The following ATAD3C variants were observed in gnomAD, a reference collection of about 807,000 sequenced individuals.
The protein encoded by ATAD3C is ATPase family AAA domain-containing protein 3C.
A neutral mutation model predicts 46.3 loss-of-function variants in ATAD3C; 38 were observed. The ratio of observed to expected loss-of-function variants is 0.82; its 90% CI spans 0.63 to 1.08. The LOEUF (loss-of-function observed/expected upper bound fraction) is 1.08. Ranked by LOEUF, ATAD3C falls within the 50% of genes least tolerant of loss-of-function variation. ATAD3C has a pLI of 0.00. For missense variants in ATAD3C, 563 were observed against 572.7 expected (o/e 0.98, Z 0.17); for synonymous variants, 220 against 236.4 (o/e 0.93, Z 0.63).
intron 7 of ATAD3C, among the ~76,000 whole-genome samples, 158 bp from the exon 8 acceptor site, chr1:1,456,971 G>A (rs1486871576): frequency 6.6e-6 from 1 of 152,042 alleles, no homozygotes; most frequent in African/African-American, 2.4e-5. Context: ...TTCTGTCGGT[G>A]GATCAGCTTC....
At position 1,468,507 on chromosome 1, in the gene ATAD3C, G is replaced by A. The variant is rs149946098; in HGVS notation, c.1213G>A (p.Glu405Lys). 4.2e-3 allele frequency: 6,786 copies of A among 1,608,594 alleles called. 311 individuals are homozygous for A. The African/African-American group carries it at 0.08, about 19-fold the overall frequency. ...GCTGAAGGGGGAGAGGCCTGGGCCCGAGGACGAGCAACCCTCATCCTGAGT... is the reference window on the plus strand; with the variant it reads ...GCTGAAGGGGGAGAGGCCTGGGCCCAAGGACGAGCAACCCTCATCCTGAGT... ...RWLKGERPGP[E>K]DEQPSS Residue 405 changes from glutamate to lysine, a missense_variant, in exon 12 of 12, where the codon GAG becomes AAG. Glu to Lys is a moderately conservative substitution (Grantham distance 56). This residue lies in a region of ATAD3C where 273 missense variants were observed against 253.5 expected (regional missense o/e 1.08). Coordinates refer to ENST00000378785, the MANE Select transcript of ATAD3C (RefSeq NM_001039211.3).
At chr1:1,457,596 A>AAAAAAAAAAAAAAC (rs1638986657) in intron 8 of ATAD3C, among the ~76,000 whole-genome samples, 1 of 113,170 alleles carries the variant, frequency 8.8e-6, no homozygotes, top group African/African-American at 4.7e-5. Context: ...ACTTCATCTC[A>AAAAAAAAAAAAAAC]AAAAAAAAAA....
intron 11 of ATAD3C, among the ~76,000 whole-genome samples, chr1:1,467,796 C>A (rs1317165044): frequency 1.3e-5 from 2 of 152,028 alleles, no homozygotes; most frequent in African/African-American, 4.8e-5. Flanking sequence ...TGGAGAGTGA[C>A]CTGTCCATGG....
At chr1:1,453,643 A>G (rs1266037236) in intron 3 of ATAD3C, among the ~76,000 whole-genome samples, 1 of 142,800 alleles carries the variant, frequency 7.0e-6, no homozygotes, top group Non-Finnish European at 1.5e-5. Flanking sequence ...GGCATAAACC[A>G]TTTTTTTTTT....
intron 8 of ATAD3C, among the ~76,000 whole-genome samples, chr1:1,458,599 T>C (rs1362391832): frequency 6.6e-6 from 1 of 151,638 alleles, no homozygotes; most frequent in Admixed American, 6.6e-5. Context: ...TTTTTTGTAA[T>C]GTTAGTAGAG....
intron 11 of ATAD3C, among the ~76,000 whole-genome samples, chr1:1,467,111 G>T (rs562439852): frequency 3.3e-5 from 5 of 152,000 alleles, no homozygotes; most frequent in Non-Finnish European, 5.9e-5. Context: ...GGACCCACCC[G>T]CGACCAGGTT....
intron 8 of ATAD3C, among the ~76,000 whole-genome samples, chr1:1,457,852 A>G (rs1638993045): frequency 6.7e-6 from 1 of 150,094 alleles, no homozygotes; most frequent in Non-Finnish European, 1.5e-5. Flanking sequence ...TAATTTTTGT[A>G]TTTTTAGTAG....
At chr1:1,458,502 A>T (rs952056360) in intron 8 of ATAD3C, among the ~76,000 whole-genome samples, 2 of 150,804 alleles carry the variant, frequency 1.3e-5, no homozygotes, top group African/African-American at 2.4e-5. Flanking sequence ...CTAGTCCCGA[A>T]CTCCCGACCT....
In ATAD3C at chr1:1,466,689, G is replaced by A. The variant is rs548030327; in HGVS notation, c.1090-1695G>A. ...GTGGAACATTGATTGATTTTCATATGTTGAACTGTCCTTGCATTCCAGGAA... is the reference window on the plus strand; with the variant it reads ...GTGGAACATTGATTGATTTTCATATATTGAACTGTCCTTGCATTCCAGGAA... On this transcript the variant is annotated intron_variant, in intron 11 of 11. Transcript: ENST00000378785. 3.3e-5 allele frequency among the ~76,000 whole-genome samples: 5 copies of A among 151,958 alleles called. No homozygotes were observed. The South Asian group carries it at 1.0e-3, about 32-fold the overall frequency.
chr1:1,453,726 G>C (rs1300005112), intron 3 of ATAD3C, among the ~76,000 whole-genome samples: 1 of 150,542 alleles, frequency 6.6e-6, no homozygotes. Flanking sequence ...TGCAACCTCC[G>C]ACTCGCGGGT....
chr1:1,456,539 GC>G (rs1638963254), intron 7 of ATAD3C, among the ~76,000 whole-genome samples, 190 bp downstream of exon 7: 1 of 149,754 alleles, frequency 6.7e-6, no homozygotes, highest in Non-Finnish European at 1.5e-5. Context: ...TGGACACGAG[GC>G]CCCCAGCGTG....
chr1:1,457,219 G>C (rs747877085), intron 8 of ATAD3C, 39 bp downstream of exon 8: 2 of 1,612,960 alleles, frequency 1.2e-6, no homozygotes, highest in Admixed American at 1.7e-5. Context: ...ACAGGAGGGT[G>C]GTGGGGTGTG....
At chr1:1,455,312 C>T (rs931452991) in intron 4 of ATAD3C, 148 bp from the exon 5 acceptor site, 6 of 1,159,856 alleles carry the variant, frequency 5.2e-6, no homozygotes, top group African/African-American at 3.1e-5. Flanking sequence ...CACCCAGTCT[C>T]CCGGCGGGGC....
At position 1,456,862 on chromosome 1, in the gene ATAD3C, A is replaced by G. The variant is rs955033591; in HGVS notation, c.690-267A>G. On this transcript the variant is annotated intron_variant, in intron 7 of 11. Transcript: ENST00000378785. ...TTGGCACCCTCCCCTCTGGCCTTTG[A>G]CCTTTCACTTTAGAAGACCTGTCCC... is the stretch of plus-strand genomic sequence containing the variant. Among the ~76,000 whole-genome samples the G allele has an allele frequency of 1.2e-4, 18 of 151,496 alleles. 1 individual carries two copies. Among genetic ancestry groups the G allele is most frequent in the Admixed American group, 9.9e-4 (15 of 15,184 alleles).
In ATAD3C at chr1:1,468,498, C is replaced by G; in HGVS notation, c.1204C>G (p.Pro402Ala). ...GATGCGCTGGCTGAAGGGGGAGAGG[C>G]CTGGGCCCGAGGACGAGCAACCCTC... Reference protein sequence around the residue: ...QMMRWLKGERPGPEDEQPSS With the variant: ...QMMRWLKGERAGPEDEQPSS Residue 402 changes from proline (P) to alanine (A), a missense_variant, in exon 12 of 12, where the codon CCT (proline) becomes GCT (alanine). Around this residue, in one of 3 missense-constraint regions of ATAD3C, gnomAD observed 273 missense variants for 253.5 expected, o/e 1.08. Transcript: ENST00000378785. 1 of 1,610,314 alleles carries G rather than the reference C, an allele frequency of 6.2e-7. No homozygotes were observed. Among genetic ancestry groups the G allele is most frequent in the Non-Finnish European group, 8.5e-7 (1 of 1,178,522 alleles).
At chr1:1,465,035 G>A (rs571402935) in intron 11 of ATAD3C, among the ~76,000 whole-genome samples, 11 of 151,254 alleles carry the variant, frequency 7.3e-5, no homozygotes, top group South Asian at 2.1e-4. Context: ...ACAGGCACGC[G>A]CCAACATGCC....
chr1:1,451,099 G>A (rs111970618), intron 1 of ATAD3C, among the ~76,000 whole-genome samples: 6 of 151,290 alleles, frequency 4.0e-5, no homozygotes, highest in African/African-American at 7.3e-5. Context: ...GGAGTGCAGT[G>A]GTGCGACCTT....
At chr1:1,454,113 C>A (rs895875335) in intron 3 of ATAD3C, among the ~76,000 whole-genome samples, 1 of 152,096 alleles carries the variant, frequency 6.6e-6, no homozygotes, top group Admixed American at 6.6e-5. Context: ...ATTTATGCTA[C>A]CAGTTGCAGA....
At chr1:1,452,291 C>G in intron 2 of ATAD3C, 74 bp from the exon 3 acceptor site, 1 of 1,608,472 alleles carries the variant, frequency 6.2e-7, no homozygotes, top group South Asian at 1.1e-5. Context: ...GTCAAGGCCT[C>G]ACCCTCAACC....
Sources: gnomAD v4.1 joint callset for allele counts (sites outside exome capture counted in the v4.1 genomes callset) on GRCh38, gnomAD v4.1.1 for gene constraint, gnomAD v4.1.1 regional missense constraint, MANE v1.5 for transcripts, NCBI Gene and HGNC (gene_info 2026-07-23, HGNC 2026-07-21) for gene names.